The following RBFOX1 variants were observed in gnomAD, a reference collection of about 807,000 sequenced individuals.
The protein encoded by RBFOX1 is RNA binding fox-1 homolog 1.
In RBFOX1, 8 loss-of-function variants were observed where a neutral mutation model predicts 57.7. The observed-to-expected ratio is 0.14, with a 90% CI of 0.08 to 0.25. RBFOX1 has a LOEUF of 0.25. Ranked by LOEUF, RBFOX1 falls within the 10% of genes least tolerant of loss-of-function variation. RBFOX1 has a pLI of 1.00. For synonymous variants in RBFOX1, 326 were observed against 222.4 expected, an observed-to-expected ratio of 1.47 and a Z score of -4.15; for missense variants, 611 against 548.5, an observed-to-expected ratio of 1.11 and a Z score of -1.14.
At chr16:7,087,889 T>C (rs2060229578) in intron 4 of RBFOX1, among the ~76,000 whole-genome samples, 1 of 152,180 alleles carries the variant, frequency 6.6e-6, no homozygotes, top group South Asian at 2.1e-4. Context: ...TCTGTCTCTC[T>C]TTCTCTTTCT....
chr16:6,787,338 C>T (rs952996467), intron 3 of RBFOX1, among the ~76,000 whole-genome samples: 1 of 152,182 alleles, frequency 6.6e-6, no homozygotes, highest in Non-Finnish European at 1.5e-5. Flanking sequence ...AATAACAGCA[C>T]ATAAAGAAGT....
At chr16:5,717,060 G>A (rs1255642815) in intron 3 of RBFOX1, among the ~76,000 whole-genome samples, 1 of 152,152 alleles carries the variant, frequency 6.6e-6, no homozygotes, top group Non-Finnish European at 1.5e-5. Context: ...TTTCCTGCTT[G>A]GCTGTCAGAA....
rs118132410 is a variant in RBFOX1 at position 6,467,943 on chromosome 16, C to T, written c.-64+150886C>T. 2.6e-3 allele frequency among the ~76,000 whole-genome samples: 390 copies of T among 152,136 alleles called. 7 individuals are homozygous for T. In the East Asian group the frequency reaches 0.047, roughly 18 times the overall value. On this transcript the variant is annotated intron_variant, in intron 2 of 15. Transcript: ENST00000550418. ...CCAATAAAGGGTTAATGGGAAAATC[C>T]CAGAATCTGCTTTCTTTTTAATGTT...
chr16:5,775,218 A>C (rs1161539072), intron 3 of RBFOX1, among the ~76,000 whole-genome samples: 2 of 152,178 alleles, frequency 1.3e-5, no homozygotes, highest in Non-Finnish European at 2.9e-5. Context: ...TAGGATCCCC[A>C]AATGTATCTC....
chr16:7,569,778 G>C (rs529551510), intron 5 of RBFOX1, among the ~76,000 whole-genome samples: 3 of 152,262 alleles, frequency 2.0e-5, no homozygotes, highest in Non-Finnish European at 4.4e-5. Flanking sequence ...CAAGGCAGAA[G>C]GATATCTTGA....
intron 2 of RBFOX1, among the ~76,000 whole-genome samples, chr16:5,591,201 TATAAA>T (rs2046994825): frequency 6.6e-6 from 1 of 151,912 alleles, no homozygotes; most frequent in African/African-American, 2.4e-5. Context: ...GGGTCAGAAA[TATAAA>T]ATGAGTTTTC....
At chr16:5,434,816 G>T (rs931099235) in intron 1 of RBFOX1, among the ~76,000 whole-genome samples, 2 of 151,864 alleles carry the variant, frequency 1.3e-5, no homozygotes, top group Admixed American at 1.3e-4. Flanking sequence ...TTATTCTCTT[G>T]GTTACCTGCC....
chr16:6,019,573 C>G lies in RBFOX1; in HGVS notation c.-546C>G. On this transcript the variant is annotated 5_prime_UTR_variant, in exon 1 of 16. Transcript: ENST00000550418. This position sits in a 1 kb window ranked among gnomAD's most constrained non-coding sequence, Gnocchi z 4.2. ...GAGGCGGCGGCACTGGCTGGACCCA[C>G]GCGCGCGCCTCCGGGGCTGAAGAAG... 1 of 1,165,178 alleles carries G rather than the reference C, an allele frequency of 8.6e-7. No individual in the cohort carries two copies. Among genetic ancestry groups the G allele is most frequent in the Non-Finnish European group, 1.1e-6 (1 of 945,086 alleles). The allele number at this position is 1,165,178 out of a possible 1,614,324, so 72.2% of individuals were successfully genotyped here. A position where few individuals can be genotyped will look rare whatever the true frequency, so the allele number is the denominator to read the frequency against.
chr16:6,547,069 A>G (rs1325444608), intron 2 of RBFOX1, among the ~76,000 whole-genome samples: 1 of 152,242 alleles, frequency 6.6e-6, no homozygotes, highest in Non-Finnish European at 1.5e-5. Flanking sequence ...TGCCTGCTGA[A>G]GCAGAAATGT....
intron 4 of RBFOX1, among the ~76,000 whole-genome samples, chr16:7,420,858 C>T (rs1259840345): frequency 6.7e-6 from 1 of 148,318 alleles, no homozygotes; most frequent in African/African-American, 2.5e-5. Context: ...TCAGCATGCA[C>T]TTTCAAATCT....
At chr16:6,895,620 A>T (rs540905964) in intron 3 of RBFOX1, among the ~76,000 whole-genome samples, 1 of 151,730 alleles carries the variant, frequency 6.6e-6, no homozygotes, top group South Asian at 2.1e-4. Context: ...GAAGAAAAAA[A>T]TGGAGAGTCA....
At chr16:5,268,932 T>G (rs2062931853) in intron 1 of RBFOX1, among the ~76,000 whole-genome samples, 3 of 146,326 alleles carry the variant, frequency 2.1e-5, no homozygotes, top group African/African-American at 7.4e-5. Context: ...TTTTTTTTTT[T>G]GAGACGAAGT....
At chr16:6,702,414 C>A (rs1281806995) in intron 3 of RBFOX1, among the ~76,000 whole-genome samples, 2 of 152,104 alleles carry the variant, frequency 1.3e-5, no homozygotes, top group Non-Finnish European at 2.9e-5. Context: ...ATCTGCCTGG[C>A]GTGCTGGCAT....
intron 3 of RBFOX1, among the ~76,000 whole-genome samples, chr16:6,897,750 G>C (rs1233377846): frequency 1.3e-5 from 2 of 152,150 alleles, no homozygotes; most frequent in African/African-American, 4.8e-5. Flanking sequence ...CTGAGATCAT[G>C]CTGTTACACT....
intron 3 of RBFOX1, among the ~76,000 whole-genome samples, chr16:5,742,701 T>C (rs1219142657): frequency 1.3e-5 from 2 of 152,202 alleles, no homozygotes; most frequent in South Asian, 2.1e-4. Context: ...ATGGGTATCA[T>C]ATATGACTTA....
At chr16:7,582,220 T>A (rs145091886) in intron 6 of RBFOX1, among the ~76,000 whole-genome samples, 2 of 152,290 alleles carry the variant, frequency 1.3e-5, no homozygotes, top group African/African-American at 2.4e-5. Context: ...ACTGACAAGA[T>A]GTCAATTTGG....
At chr16:6,005,546 T>A (rs987744445) in intron 4 of RBFOX1, among the ~76,000 whole-genome samples, 32 of 152,262 alleles carry the variant, frequency 2.1e-4, no homozygotes, top group Admixed American at 1.9e-3. Flanking sequence ...GTTGACGTTC[T>A]GAGCTGGGTC....
intron 4 of RBFOX1, among the ~76,000 whole-genome samples, chr16:7,347,568 A>G (rs1292592773): frequency 6.6e-6 from 1 of 152,106 alleles, no homozygotes; most frequent in Non-Finnish European, 1.5e-5. Context: ...TATCAAGTGG[A>G]CACCTGGAAT....
chr16:6,935,533 C>G (rs1350460411), intron 3 of RBFOX1, among the ~76,000 whole-genome samples: 1 of 152,206 alleles, frequency 6.6e-6, no homozygotes, highest in Non-Finnish European at 1.5e-5. Flanking sequence ...AGATAACTCA[C>G]ACTTTCAGTA....
Sources: gnomAD v4.1 joint callset for allele counts (sites outside exome capture counted in the v4.1 genomes callset) on GRCh38, gnomAD v4.1.1 for gene constraint, Gnocchi (gnomAD v3.1) non-coding constraint, MANE v1.5 for transcripts, NCBI Gene and HGNC (gene_info 2026-07-23, HGNC 2026-07-21) for gene names.